The following PRKN variants were observed in gnomAD, a reference collection of about 807,000 sequenced individuals.
PRKN encodes the protein E3 ubiquitin-protein ligase parkin.
Under a neutral mutation model 59.5 loss-of-function variants are expected in PRKN, and 56 were observed. The observed-to-expected ratio is 0.94, with a 90% CI of 0.76 to 1.18. The LOEUF (loss-of-function observed/expected upper bound fraction) is 1.18. PRKN is among the 50% of genes most tolerant of loss of function. The pLI, the probability that PRKN is intolerant of heterozygous loss-of-function variation, is 0.00. For missense variants in PRKN, 657 were observed against 596.4 expected (o/e 1.10, Z -1.06); for synonymous variants, 250 against 222.1 (o/e 1.13, Z -1.12).
intron 1 of PRKN, among the ~76,000 whole-genome samples, chr6:162,674,559 G>C (rs780366756): frequency 6.6e-6 from 1 of 152,182 alleles, no homozygotes; most frequent in African/African-American, 2.4e-5. Flanking sequence ...GTTGAACACT[G>C]TGTGATAGGA....
In PRKN at chr6:162,482,156, G is replaced by C. The variant is rs867080073; in HGVS notation, c.8-38683C>G. Among the ~76,000 whole-genome samples the C allele has an allele frequency of 2.8e-4, 42 of 152,214 alleles. No homozygotes were observed. The Middle Eastern group carries it at 0.01, about 37-fold the overall frequency. The stretch of plus-strand genomic sequence containing the variant: ...TAACCTTATCTCCTGGGATAATTAG[G>C]TTATGTCCAAAAAGCCAGGCTCCTT... On this transcript the variant is annotated intron_variant, in intron 1 of 11. Coordinates refer to ENST00000366898, the MANE Select transcript of PRKN (RefSeq NM_004562.3).
At chr6:162,221,983 C>T (rs935391822) in intron 3 of PRKN, among the ~76,000 whole-genome samples, 1 of 152,014 alleles carries the variant, frequency 6.6e-6, no homozygotes, top group African/African-American at 2.4e-5. Context: ...AGATGACGTA[C>T]CAGTTGGAGG....
At chr6:161,913,897 TC>T (rs1180131360) in intron 6 of PRKN, among the ~76,000 whole-genome samples, 1 of 152,184 alleles carries the variant, frequency 6.6e-6, no homozygotes, top group African/African-American at 2.4e-5. Flanking sequence ...GAGCTCACTC[TC>T]TGTCATGTAA....
At chr6:162,137,844 A>C (rs1290413934) in intron 4 of PRKN, among the ~76,000 whole-genome samples, 1 of 152,210 alleles carries the variant, frequency 6.6e-6, no homozygotes, top group Non-Finnish European at 1.5e-5. Context: ...ATGGCAATTA[A>C]ATTTCAACAT....
chr6:162,072,521 T>C (rs1043751405), intron 4 of PRKN, among the ~76,000 whole-genome samples: 5 of 152,210 alleles, frequency 3.3e-5, no homozygotes, highest in Admixed American at 2.0e-4. Flanking sequence ...ATTTCTCAGA[T>C]ACTGACAATT....
Position 161,646,325 on chromosome 6 carries a change from G to C in PRKN, c.872-76909C>G, listed in dbSNP as rs113181278. 6.8e-5 allele frequency among the ~76,000 whole-genome samples: 6 copies of C among 88,756 alleles called. No individual in the cohort carries two copies. In the East Asian group the frequency reaches 1.3e-3, roughly 19 times the overall value. 58.2% of individuals were successfully genotyped at this position (88,756 alleles called of 152,430 possible). On this transcript the variant is annotated intron_variant, in intron 7 of 11. Transcript: ENST00000366898. ...GAGGTGGCGTATCAGTGACAGTGGT[G>C]ACTGCGTGTGCGTGCGTGGCGGAGG... is the stretch of plus-strand genomic sequence containing the variant.
intron 7 of PRKN, among the ~76,000 whole-genome samples, chr6:161,736,430 G>T (rs1787966035): frequency 6.6e-6 from 1 of 152,234 alleles, no homozygotes; most frequent in Non-Finnish European, 1.5e-5. Flanking sequence ...TAGGACTGCA[G>T]TTGTTCAGTG....
At chr6:162,541,992 G>A (rs1273854315) in intron 1 of PRKN, among the ~76,000 whole-genome samples, 2 of 152,016 alleles carry the variant, frequency 1.3e-5, no homozygotes, top group Non-Finnish European at 2.9e-5. Context: ...TGACTAAAAC[G>A]CAAGGCTGTT....
At chr6:161,879,341 CTTTT>C (rs72163881) in intron 6 of PRKN, among the ~76,000 whole-genome samples, 5 of 112,228 alleles carry the variant, frequency 4.5e-5, no homozygotes, top group East Asian at 5.2e-4. Context: ...ACATTTCTGC[CTTTT>C]TTTTTTTTTT....
intron 2 of PRKN, among the ~76,000 whole-genome samples, chr6:162,356,097 A>G (rs777449357): frequency 1.1e-4 from 16 of 152,142 alleles, no homozygotes; most frequent in Non-Finnish European, 1.6e-4. Context: ...ATTCAGAGAC[A>G]AGGCCAAAAC....
intron 4 of PRKN, among the ~76,000 whole-genome samples, chr6:162,166,239 C>A (rs1357349297): frequency 6.6e-6 from 1 of 152,080 alleles, no homozygotes; most frequent in Non-Finnish European, 1.5e-5. Flanking sequence ...CTCCACACAA[C>A]AGCATGGAAA....
chr6:161,583,960 G>C (rs552564518), intron 7 of PRKN, among the ~76,000 whole-genome samples: 1 of 152,100 alleles, frequency 6.6e-6, no homozygotes, highest in Non-Finnish European at 1.5e-5. Context: ...TTAAAGTATC[G>C]TTCCATTTAA....
intron 2 of PRKN, among the ~76,000 whole-genome samples, chr6:162,390,145 A>G (rs1583487510): frequency 6.6e-6 from 1 of 152,072 alleles, no homozygotes; most frequent in Non-Finnish European, 1.5e-5. Flanking sequence ...TAACCTCATG[A>G]GATCCTACAT....
At chr6:161,564,382 T>C (rs1236891778) in intron 8 of PRKN, among the ~76,000 whole-genome samples, 1 of 152,184 alleles carries the variant, frequency 6.6e-6, no homozygotes. Flanking sequence ...GTATCCTTTT[T>C]CCTACCACAT....
chr6:161,890,152 T>C (rs1418150492), intron 6 of PRKN, among the ~76,000 whole-genome samples: 1 of 152,160 alleles, frequency 6.6e-6, no homozygotes, highest in Non-Finnish European at 1.5e-5. Flanking sequence ...CCTATGAAAA[T>C]CAGTTCTTAT....
At chr6:162,631,601 A>G (rs2023008) in intron 1 of PRKN, among the ~76,000 whole-genome samples, 139,385 of 152,148 alleles carry the variant, frequency 0.92, 64,001 homozygotes, top group Admixed American at 0.97. Flanking sequence ...GGCCTTTGTC[A>G]AATGCATAGT....
intron 6 of PRKN, among the ~76,000 whole-genome samples, chr6:161,880,881 G>A (rs1483336701): frequency 6.6e-6 from 1 of 152,100 alleles, no homozygotes; most frequent in Non-Finnish European, 1.5e-5. Context: ...TTTAGATTCC[G>A]CCAGCACGTT....
chr6:162,610,687 T>C (rs1228456317), intron 1 of PRKN, among the ~76,000 whole-genome samples: 2 of 152,148 alleles, frequency 1.3e-5, no homozygotes, highest in African/African-American at 4.8e-5. Context: ...AAAATAATAG[T>C]AAATTTTCAA....
chr6:162,172,215 C>T (rs374693799), intron 4 of PRKN, among the ~76,000 whole-genome samples: 17 of 152,124 alleles, frequency 1.1e-4, no homozygotes, highest in East Asian at 3.8e-4. Context: ...CAGATCGGAG[C>T]GGGGTGCTGC....
Sources: gnomAD v4.1 joint callset for allele counts (sites outside exome capture counted in the v4.1 genomes callset) on GRCh38, gnomAD v4.1.1 for gene constraint, MANE v1.5 for transcripts, NCBI Gene and HGNC (gene_info 2026-07-23, HGNC 2026-07-21) for gene names.